OTOG: variants seen among roughly 807,000 people sequenced by gnomAD.
The protein encoded by OTOG is otogelin.
In OTOG, 296 loss-of-function variants were observed where a neutral mutation model predicts 313.8. The observed-to-expected ratio is 0.94, with a 90% CI of 0.86 to 1.04. OTOG has a LOEUF of 1.04. Among genes scored for constraint, OTOG ranks in the 50% least tolerant of loss-of-function variants. The pLI is 0.00. For synonymous variants in OTOG, 1,533 were observed against 1,554.9 expected (o/e 0.99, Z 0.33); for missense variants, 3,948 against 3,840.1 (o/e 1.03, Z -0.74).
Position 17,578,180 on chromosome 11 carries a change from G to A in OTOG, c.2606-193G>A, listed in dbSNP as rs7949484. 70,533 of 1,274,336 alleles carry A rather than the reference G, an allele frequency of 0.055. 4,717 individuals are homozygous for A. The highest frequency in any genetic ancestry group is 0.32 in the African/African-American group (21,147 of 65,856). 78.9% of individuals were successfully genotyped at this position (1,274,336 alleles called of 1,614,324 possible). On this transcript the variant is annotated intron_variant, in intron 22 of 55. Coordinates refer to ENST00000399397, the MANE Select transcript of OTOG (RefSeq NM_001292063.2). ...GGGTCCTGGTGGCCGCAGTCTTATT[G>A]TGTGACAGACAGCACACATCTACCC...
At chr11:17,568,880 C>T (rs960147119) in intron 15 of OTOG, among the ~76,000 whole-genome samples, 10 of 152,218 alleles carry the variant, frequency 6.6e-5, no homozygotes, top group African/African-American at 2.4e-4. Context: ...TGGGTTCCAT[C>T]TCTGCTCTGT....
chr11:17,595,112 C>T (rs896672643), intron 28 of OTOG, among the ~76,000 whole-genome samples: 1 of 152,164 alleles, frequency 6.6e-6, no homozygotes, highest in Non-Finnish European at 1.5e-5. Flanking sequence ...GGGAAGCAGT[C>T]GTGCATGGCC....
rs1353580944 is a variant in OTOG, at chr11:17,606,016, T to C, written c.4037T>C (p.Val1346Ala). ...LHRGTRQAGL[V>A]ALESLAKPSS... ...CGGGGGACACGGCAGGCAGGCCTGG[T>C]GGCCCTGGAGTCCCTGGCCAAGCCC... Residue 1346 changes from valine (V) to alanine (A), a missense_variant, in exon 33 of 56, where the codon GTG becomes GCG. By Grantham distance (64) the Val-to-Ala change is moderately conservative. Coordinates refer to ENST00000399397, the MANE Select transcript of OTOG (RefSeq NM_001292063.2). 6.4e-7 allele frequency: 1 copy of C among 1,550,550 alleles called. No individual in the cohort carries two copies. The highest frequency in any genetic ancestry group is 1.2e-5 in the South Asian group (1 of 84,056).
intron 33 of OTOG, 135 bp downstream of exon 33, chr11:17,606,270 G>A (rs1017984490): frequency 7.6e-6 from 9 of 1,187,160 alleles, no homozygotes; most frequent in Non-Finnish European, 9.1e-6. Context: ...GGGGCCACAT[G>A]GGTGCCACCC....
In OTOG at chr11:17,555,225, G is replaced by A. The variant is rs185973480; in HGVS notation, c.541-554G>A. On this transcript the variant is annotated intron_variant, in intron 6 of 55. Coordinates refer to ENST00000399397, the MANE Select transcript of OTOG (RefSeq NM_001292063.2). ...GGCAGAGATGTGTGTGTGTGTGTGT[G>A]TGTGTGTGTGACAGCAGCACAGGAG... Among the ~76,000 whole-genome samples, 334 of 152,122 alleles carry A rather than the reference G, an allele frequency of 2.2e-3. 3 individuals are homozygous for A. The highest frequency in any genetic ancestry group is 3.5e-3 in the Non-Finnish European group (241 of 67,998).
At chr11:17,581,936 C>A (rs1052813414) in intron 23 of OTOG, among the ~76,000 whole-genome samples, 4 of 152,164 alleles carry the variant, frequency 2.6e-5, no homozygotes, top group Non-Finnish European at 5.9e-5. Context: ...ACACTATATA[C>A]CCTTTTGGGC....
chr11:17,567,971 G>C (rs2134019434), intron 15 of OTOG, among the ~76,000 whole-genome samples: 1 of 152,072 alleles, frequency 6.6e-6, no homozygotes, highest in East Asian at 1.9e-4. Context: ...GCAGTGGCGA[G>C]ATCTCGGCTC....
rs1433242403 is a variant in OTOG, at chr11:17,640,829, G to C, written c.8011+9G>C. On this transcript the variant is annotated intron_variant, in intron 50 of 55. Coordinates refer to ENST00000399397, the MANE Select transcript of OTOG (RefSeq NM_001292063.2). ...CGCCAAGTACGAGTGTGGTGAGTGG[G>C]GGAAGCCTCGGGGCAGAGCCATGCA... is the stretch of plus-strand genomic sequence containing the variant. 5.8e-6 allele frequency: 9 copies of C among 1,550,142 alleles called. No individual in the cohort carries two copies. The Admixed American group carries it at 1.8e-4, about 30-fold the overall frequency.
Position 17,555,838 on chromosome 11 carries a change from C to G in OTOG, c.600C>G (p.Leu200=). 1 of 1,546,752 alleles carries G rather than the reference C, an allele frequency of 6.5e-7. No homozygotes were observed. Among genetic ancestry groups the G allele is most frequent in the Non-Finnish European group, 8.7e-7 (1 of 1,143,214 alleles). Residue 200 remains leucine (L), a synonymous_variant, in exon 7 of 56, where the codon CTC becomes CTG. Coordinates refer to ENST00000399397, the MANE Select transcript of OTOG (RefSeq NM_001292063.2). ...ACACCTGCTCCAGGGCTGTCAGCCTCTTCTTTGTGGGTGAGCAGGAGATCC... is the reference window on the plus strand; with the variant it reads ...ACACCTGCTCCAGGGCTGTCAGCCTGTTCTTTGTGGGTGAGCAGGAGATCC... ...SPYTCSRAVS[L]FFVGEQEIHL...
At chr11:17,621,600 C>T (rs1360287828) in intron 39 of OTOG, among the ~76,000 whole-genome samples, 1 of 151,848 alleles carries the variant, frequency 6.6e-6, no homozygotes, top group Non-Finnish European at 1.5e-5. Flanking sequence ...TCAGAGCTCT[C>T]TCTCTCTCTC....
rs1848066668 is a variant in OTOG, at chr11:17,645,880, C to T, written c.8678C>T (p.Thr2893Ile). The T allele has an allele frequency of 6.4e-7, 1 of 1,550,600 alleles. No individual in the cohort carries two copies. Among genetic ancestry groups the T allele is most frequent in the Admixed American group, 2.0e-5 (1 of 50,996 alleles). The change falls in exon 56 of 56, where the codon ACC (threonine) becomes ATC (isoleucine). Residue 2893 changes from threonine to isoleucine, a missense_variant. Transcript: ENST00000399397. ...CGCTCTGTGCAGCTCTTCTGTGCCA[C>T]CAATGCCACCTGGGTGCCCTATACA... is the stretch of plus-strand genomic sequence containing the variant. ...QRRSVQLFCA[T>I]NATWVPYTVQ...
chr11:17,574,794 A>AGCCCTGAG lies in OTOG; in HGVS notation c.2372_2379dup (p.Cys794LeufsTer12). 6.4e-7 allele frequency: 1 copy of AGCCCTGAG among 1,550,664 alleles called. No individual in the cohort carries two copies. Among genetic ancestry groups the AGCCCTGAG allele is most frequent in the Non-Finnish European group, 8.7e-7 (1 of 1,146,946 alleles). ...TGGACGTACCTGCCAGGACCTGGCC[A>AGCCCTGAG]GCCCTGAGGCCTGTGGGGTTGATGG... On this transcript the variant is annotated frameshift_variant, in exon 20 of 56. Coordinates refer to ENST00000399397, the MANE Select transcript of OTOG (RefSeq NM_001292063.2). LOFTEE classifies it high-confidence loss of function.
At chr11:17,574,626 G>A in intron 19 of OTOG, 94 bp from the exon 20 acceptor site, 2 of 1,261,790 alleles carry the variant, frequency 1.6e-6, no homozygotes, top group Non-Finnish European at 2.2e-6. Flanking sequence ...GAACTTCTCT[G>A]GATCTCCATT....
At chr11:17,621,717 T>C (rs186389514) in intron 39 of OTOG, among the ~76,000 whole-genome samples, 99 of 152,296 alleles carry the variant, frequency 6.5e-4, no homozygotes, top group Non-Finnish European at 1.3e-3. Flanking sequence ...TCCTGCTCCC[T>C]GCACTGCAGC....
chr11:17,631,939 T>A lies in OTOG; in HGVS notation c.6933+17T>A. ...CACCGCTTTGTATGTGCCAACTGGG[T>A]CCAGCACTGGGGACACCTCCTGGGC... On this transcript the variant is annotated intron_variant, in intron 41 of 55. Transcript: ENST00000399397. 1 of 1,548,694 alleles carries A rather than the reference T, an allele frequency of 6.5e-7. No individual in the cohort carries two copies. The highest frequency in any genetic ancestry group is 8.7e-7 in the Non-Finnish European group (1 of 1,146,856).
rs1852352649 is a variant in OTOG, at chr11:17,569,145, T to C, written c.1645-11T>C. The C allele has an allele frequency of 3.2e-6, 5 of 1,550,624 alleles. No homozygotes were observed. The East Asian group carries it at 1.2e-4, about 38-fold the overall frequency. On this transcript the variant is annotated splice_polypyrimidine_tract_variant and intron_variant, in intron 15 of 55. Transcript: ENST00000399397. ...ACCAACACTGCCCCATTGACCTTTC[T>C]ATCTCTCCAGAACCAAGATGGAGCC...
intron 15 of OTOG, among the ~76,000 whole-genome samples, chr11:17,566,247 T>C (rs1852291306): frequency 6.6e-6 from 1 of 152,238 alleles, no homozygotes; most frequent in South Asian, 2.1e-4. Flanking sequence ...AAATCCTTGC[T>C]AGATTACTTA....
In OTOG at chr11:17,634,114, G is replaced by C; in HGVS notation, c.7313G>C (p.Trp2438Ser). 6.5e-7 allele frequency: 1 copy of C among 1,548,772 alleles called. No homozygotes were observed. Among genetic ancestry groups the C allele is most frequent in the East Asian group, 2.4e-5 (1 of 40,916 alleles). Residue 2438 changes from tryptophan to serine, a missense_variant, in exon 44 of 56, where the codon TGG becomes TCG. Coordinates refer to ENST00000399397, the MANE Select transcript of OTOG (RefSeq NM_001292063.2). ...MGVPRALGET[W>S]NSSLSGCCQH... ...GTGCCGAGGGCCCTGGGGGAGACCT[G>C]GAACAGCTCCCTCAGCGGCTGCTGC...
intron 18 of OTOG, 27 bp downstream of exon 18, chr11:17,572,231 C>T (rs1475256986): frequency 9.7e-6 from 15 of 1,549,412 alleles, no homozygotes; most frequent in Non-Finnish European, 1.3e-5. Context: ...AGAGGAGAGG[C>T]ATGGTTGAGT....
Sources: gnomAD v4.1 joint callset for allele counts (sites outside exome capture counted in the v4.1 genomes callset) on GRCh38, gnomAD v4.1.1 for gene constraint, MANE v1.5 for transcripts, NCBI Gene and HGNC (gene_info 2026-07-23, HGNC 2026-07-21) for gene names.